Variants in LIX1 observed in about 807,000 individuals in gnomAD.
LIX1 encodes protein limb expression 1 homolog.
LIX1 carries 24 observed loss-of-function variants against 33.4 expected under a neutral mutation model. That is an observed-to-expected ratio of 0.72 (90% CI 0.52 to 1.01). The LOEUF is 1.01. Ranked by LOEUF, LIX1 falls within the 50% of genes least tolerant of loss-of-function variation. The probability of loss-of-function intolerance (pLI) is 0.00; values close to 1 mark genes in which losing one functional copy is unlikely to be tolerated. For missense variants in LIX1, 311 were observed against 339.2 expected, an observed-to-expected ratio of 0.92 and a Z score of 0.65; for synonymous variants, 124 against 124.0, an observed-to-expected ratio of 1.00 and a Z score of 0.00.
chr5:97,124,137 C>G (rs1747852493), intron 2 of LIX1, among the ~76,000 whole-genome samples: 1 of 152,108 alleles, frequency 6.6e-6, no homozygotes, highest in South Asian at 2.1e-4. Context: ...TAGACTTACA[C>G]TACAAAAAAA....
intron 1 of LIX1, among the ~76,000 whole-genome samples, chr5:97,133,448 G>T (rs1453580019): frequency 6.6e-6 from 1 of 152,234 alleles, no homozygotes; most frequent in Non-Finnish European, 1.5e-5. Context: ...GTGACTGGAG[G>T]AAGTAAAGGA....
At chr5:97,096,709 T>C (rs1314201968) in intron 5 of LIX1, 101 bp downstream of exon 5, 10 of 848,024 alleles carry the variant, frequency 1.2e-5, no homozygotes, top group Non-Finnish European at 1.9e-5. Flanking sequence ...GTACCAAATT[T>C]ATATTTGGAA....
rs1747121255 is a variant in LIX1, at chr5:97,107,498, G to T, written c.249C>A (p.Cys83Ter). 1.2e-6 allele frequency: 2 copies of T among 1,613,860 alleles called. No individual in the cohort carries two copies. The highest frequency in any genetic ancestry group is 1.7e-6 in the Non-Finnish European group (2 of 1,179,948). The change falls in exon 3 of 6, where the codon TGC becomes TGA. Residue 83 changes from cysteine to a stop codon, truncating the protein, a stop_gained and splice_region_variant. Coordinates refer to ENST00000274382, the MANE Select transcript of LIX1 (RefSeq NM_153234.5). LOFTEE classifies it high-confidence loss of function. ...GCCTGGCCTCGGCTCTACTTAAGCA[G>T]CACTTGAGAAGGGAGGGAGAAAAGG... is the stretch of plus-strand genomic sequence containing the variant. ...PGGSCFGNFQ[C>*]CLSRAEARRD... is the part of the protein sequence containing the mutation.
At chr5:97,136,648 A>G (rs1321534641) in intron 1 of LIX1, among the ~76,000 whole-genome samples, 1 of 152,212 alleles carries the variant, frequency 6.6e-6, no homozygotes, top group Non-Finnish European at 1.5e-5. Context: ...AGCACAGGCC[A>G]TAAGTGCCAA....
intron 2 of LIX1, among the ~76,000 whole-genome samples, chr5:97,114,256 T>C (rs1234880320): frequency 6.6e-6 from 1 of 152,306 alleles, no homozygotes; most frequent in East Asian, 1.9e-4. Context: ...CCCAGCACTT[T>C]GGGAGGCTGA....
intron 4 of LIX1, 133 bp downstream of exon 4, chr5:97,105,057 G>T: frequency 1.3e-6 from 1 of 746,740 alleles, no homozygotes; most frequent in South Asian, 1.7e-5. Flanking sequence ...TTCCAGGAGG[G>T]TTAGATTAAA....
At chr5:97,126,991 A>C (rs1158090451) in intron 1 of LIX1, among the ~76,000 whole-genome samples, 2 of 152,050 alleles carry the variant, frequency 1.3e-5, no homozygotes, top group African/African-American at 4.8e-5. Flanking sequence ...TAGAACTTTT[A>C]TTTTCTAAAC....
chr5:97,127,362 T>A (rs1244721877), intron 1 of LIX1, among the ~76,000 whole-genome samples: 1 of 152,196 alleles, frequency 6.6e-6, no homozygotes, highest in Admixed American at 6.5e-5. Context: ...CTAAGTCGAT[T>A]TCTGTGTGAA....
intron 2 of LIX1, among the ~76,000 whole-genome samples, chr5:97,115,458 A>T (rs1014585582): frequency 6.6e-6 from 1 of 152,212 alleles, no homozygotes; most frequent in Non-Finnish European, 1.5e-5. Context: ...CATGCTTTGT[A>T]TTAGAAAATA....
In LIX1 at chr5:97,103,753, C is replaced by G. The variant is rs566098383; in HGVS notation, c.483+1437G>C. Reference sequence around the variant, plus strand: ...GGCCAAGGCGGGCAGATCACGAGGTCAGGAGATGGAGACCATCCTGGCTAA... The same window carrying G: ...GGCCAAGGCGGGCAGATCACGAGGTGAGGAGATGGAGACCATCCTGGCTAA... On this transcript the variant is annotated intron_variant, in intron 4 of 5. Transcript: ENST00000274382. Among the ~76,000 whole-genome samples, 38 of 152,284 alleles carry G rather than the reference C, an allele frequency of 2.5e-4. 1 individual carries two copies. Among genetic ancestry groups the G allele is most frequent in the Admixed American group, 1.8e-3 (28 of 15,294 alleles).
intron 1 of LIX1, among the ~76,000 whole-genome samples, chr5:97,129,760 C>A (rs1384673001): frequency 6.6e-6 from 1 of 152,146 alleles, no homozygotes; most frequent in Non-Finnish European, 1.5e-5. Flanking sequence ...TTCCCCACAA[C>A]CCCTGGAACA....
chr5:97,122,054 G>A (rs1426972825), intron 2 of LIX1, among the ~76,000 whole-genome samples: 2 of 152,084 alleles, frequency 1.3e-5, no homozygotes, highest in East Asian at 1.9e-4. Context: ...TGGTGTCCAC[G>A]GTTACATCAA....
chr5:97,096,911 T>G, intron 4 of LIX1, 24 bp from the exon 5 acceptor site: 1 of 1,586,664 alleles, frequency 6.3e-7, no homozygotes, highest in Non-Finnish European at 8.7e-7. Flanking sequence ...ACACCTATCA[T>G]TGGTCCCAAA....
intron 4 of LIX1, among the ~76,000 whole-genome samples, chr5:97,098,062 G>C (rs1197697206): frequency 1.3e-5 from 2 of 152,192 alleles, no homozygotes; most frequent in Non-Finnish European, 2.9e-5. Flanking sequence ...GGAAGGAGGT[G>C]TTATGCAATT....
At chr5:97,106,836 A>C (rs1747060237) in intron 3 of LIX1, among the ~76,000 whole-genome samples, 1 of 152,338 alleles carries the variant, frequency 6.6e-6, no homozygotes, top group Non-Finnish European at 1.5e-5. Flanking sequence ...AACCATGGTA[A>C]TTCTAATAGC....
At chr5:97,116,902 C>T (rs919571512) in intron 2 of LIX1, among the ~76,000 whole-genome samples, 1 of 152,014 alleles carries the variant, frequency 6.6e-6, no homozygotes, top group South Asian at 2.1e-4. Flanking sequence ...CTGGGAGACT[C>T]CTGTGGAGAT....
chr5:97,100,893 G>GAAA (rs11358378), intron 4 of LIX1, among the ~76,000 whole-genome samples: 2 of 114,124 alleles, frequency 1.8e-5, no homozygotes, highest in Non-Finnish European at 3.9e-5. Context: ...CTCTGTCTCA[G>GAAA]AAAAAAAAAA....
At chr5:97,123,003 G>T (rs988764979) in intron 2 of LIX1, among the ~76,000 whole-genome samples, 2 of 152,116 alleles carry the variant, frequency 1.3e-5, no homozygotes. Flanking sequence ...GTGGCTGACC[G>T]CTGCTCACTT....
At chr5:97,107,810 G>A (rs1747137324) in intron 2 of LIX1, among the ~76,000 whole-genome samples, 1 of 152,036 alleles carries the variant, frequency 6.6e-6, no homozygotes. Flanking sequence ...ATTATTGTGT[G>A]CTAGATAATT....
Sources: allele counts gnomAD v4.1 joint callset (sites outside exome capture counted in the v4.1 genomes callset), GRCh38; gene constraint gnomAD v4.1.1; transcripts MANE v1.5; gene names NCBI Gene and HGNC (gene_info 2026-07-23, HGNC 2026-07-21).